Variants in CPLANE1 observed in about 807,000 individuals in gnomAD.
The protein encoded by CPLANE1 is ciliogenesis and planar polarity effector complex subunit 1, also known as ciliogenesis and planar polarity effector 1.
Under a neutral mutation model 362.5 loss-of-function variants are expected in CPLANE1, and 263 were observed. The observed-to-expected ratio is 0.73, with a 90% CI of 0.66 to 0.80. The LOEUF (loss-of-function observed/expected upper bound fraction) is 0.80, where lower values mean the gene tolerates loss of function less well. CPLANE1 is among the 30% of genes least tolerant of loss of function. The probability of loss-of-function intolerance (pLI) is 0.00; values close to 1 mark genes in which losing one functional copy is unlikely to be tolerated. For missense variants in CPLANE1, 3,461 were observed against 3,793.4 expected, an observed-to-expected ratio of 0.91 and a Z score of 2.30; for synonymous variants, 1,212 against 1,302.6, an observed-to-expected ratio of 0.93 and a Z score of 1.50.
intron 4 of CPLANE1, among the ~76,000 whole-genome samples, chr5:37,244,896 TG>T (rs1182769951): frequency 6.6e-6 from 1 of 151,824 alleles, no homozygotes; most frequent in Non-Finnish European, 1.5e-5. Context: ...AACAAGATCC[TG>T]TCTCTAAAAA....
At chr5:37,187,071 A>AC in intron 23 of CPLANE1, among the ~76,000 whole-genome samples, 1 of 147,972 alleles carries the variant, frequency 6.8e-6, no homozygotes, top group African/African-American at 2.5e-5. Flanking sequence ...AAAAAAAAAA[A>AC]AAAAAAAAAA....
intron 44 of CPLANE1, chr5:37,141,728 T>C (rs951862335): frequency 1.2e-5 from 12 of 983,380 alleles, no homozygotes; most frequent in Non-Finnish European, 1.1e-5. Context: ...GTATTTACTA[T>C]GTTCTATTAT....
At chr5:37,165,733 A>G in intron 35 of CPLANE1, 62 bp from the exon 36 acceptor site, 2 of 1,464,128 alleles carry the variant, frequency 1.4e-6, no homozygotes, top group South Asian at 1.3e-5. Context: ...CTTTTCATTT[A>G]TCATGCTATA....
At chr5:37,177,754 CTGT>C in intron 29 of CPLANE1, 54 bp from the exon 30 acceptor site, 1 of 1,359,402 alleles carries the variant, frequency 7.4e-7, no homozygotes, top group Non-Finnish European at 1.0e-6. Context: ...ATAGGTATTA[CTGT>C]CTTGAGTATT....
intron 21 of CPLANE1, among the ~76,000 whole-genome samples, chr5:37,191,090 T>C (rs1445530581): frequency 1.3e-5 from 2 of 152,112 alleles, no homozygotes; most frequent in African/African-American, 4.8e-5. Context: ...CCCTGAAGAC[T>C]TTCCAGTAGA....
chr5:37,090,223 T>A, the CPLANE1 span, among the ~76,000 whole-genome samples: 1 of 152,186 alleles, frequency 6.6e-6, no homozygotes, highest in Non-Finnish European at 1.5e-5. Context: ...ATCGCATTGA[T>A]CCACGTTATT....
At chr5:37,163,656 T>C (rs923980514) in intron 37 of CPLANE1, among the ~76,000 whole-genome samples, 1 of 152,188 alleles carries the variant, frequency 6.6e-6, no homozygotes, top group African/African-American at 2.4e-5. Flanking sequence ...ATCTTGGGAT[T>C]TCCTGATAGG....
At chr5:37,089,764 T>G in the CPLANE1 span, among the ~76,000 whole-genome samples, 1 of 152,206 alleles carries the variant, frequency 6.6e-6, no homozygotes, top group African/African-American at 2.4e-5. Context: ...GAAAAATTCA[T>G]TTACAATATC....
intron 44 of CPLANE1, chr5:37,141,281 A>G (rs1769632283): frequency 1.0e-6 from 1 of 985,172 alleles, no homozygotes. Flanking sequence ...AACTTCTCAG[A>G]TATAATTAGA....
At chr5:37,238,372 G>A (rs1461214069) in intron 8 of CPLANE1, among the ~76,000 whole-genome samples, 1 of 150,954 alleles carries the variant, frequency 6.6e-6, no homozygotes, top group Non-Finnish European at 1.5e-5. Flanking sequence ...TAGTAGAGAT[G>A]GGGTTTCACC....
intron 8 of CPLANE1, among the ~76,000 whole-genome samples, chr5:37,231,763 A>AT (rs1287567629): frequency 1.3e-5 from 2 of 151,838 alleles, no homozygotes; most frequent in Non-Finnish European, 2.9e-5. Flanking sequence ...CTATTTCGTG[A>AT]TTTTTTAATT....
the CPLANE1 span, among the ~76,000 whole-genome samples, chr5:37,077,628 TTTTG>T: frequency 6.9e-6 from 1 of 145,078 alleles, no homozygotes; most frequent in Non-Finnish European, 1.5e-5. Context: ...TTTTTTTTTT[TTTTG>T]AGACAGGGTC....
At chr5:37,171,356 G>C (rs183123218) in intron 32 of CPLANE1, among the ~76,000 whole-genome samples, 2 of 152,286 alleles carry the variant, frequency 1.3e-5, no homozygotes, top group East Asian at 3.9e-4. Flanking sequence ...GGACTTGAAC[G>C]ACTGCTGATC....
chr5:37,109,899 G>A (rs950499489), intron 51 of CPLANE1, among the ~76,000 whole-genome samples: 3 of 151,972 alleles, frequency 2.0e-5, no homozygotes. Context: ...TCAAGCGATC[G>A]GCCTGCCTCA....
chr5:37,226,934 T>C lies in CPLANE1; in HGVS notation c.1661A>G (p.His554Arg), dbSNP rs1796588032. The C allele has an allele frequency of 8.4e-6, 13 of 1,551,896 alleles. No homozygotes were observed. The highest frequency in any genetic ancestry group is 1.2e-5 in the South Asian group (1 of 84,068). Reference sequence around the variant, plus strand: ...TGTCTCCTCACTATCATCCTTTGCATGTATCGTATCAAACATAGATGCAAA... The same window carrying C: ...TGTCTCCTCACTATCATCCTTTGCACGTATCGTATCAAACATAGATGCAAA... ...LEFASMFDTI[H>R]AKDDSEETDR... The change falls in exon 12 of 53, where the codon CAT becomes CGT. Residue 554 changes from histidine (H) to arginine (R), a missense_variant. Physicochemically the swap from His to Arg is conservative, Grantham distance 29. Around this residue, in one of 2 missense-constraint regions of CPLANE1, gnomAD observed 3,380 missense variants for 3,666.1 expected, o/e 0.92. Transcript: ENST00000651892.
chr5:37,212,398 G>A (rs1043433437), intron 16 of CPLANE1: 2 of 786,576 alleles, frequency 2.5e-6, no homozygotes, highest in Non-Finnish European at 4.7e-6. Context: ...TTGCTGCCCA[G>A]CTTCTAACTT....
intron 11 of CPLANE1, 65 bp from the exon 12 acceptor site, chr5:37,227,138 T>C (rs1796635298): frequency 6.7e-7 from 1 of 1,502,936 alleles, no homozygotes; most frequent in Admixed American, 2.2e-5. Flanking sequence ...AGCATCACTT[T>C]GGCGTTCTTA....
At chr5:37,187,915 G>A (rs1315276789) in intron 21 of CPLANE1, 73 bp from the exon 22 acceptor site, 2 of 970,970 alleles carry the variant, frequency 2.1e-6, no homozygotes, top group East Asian at 2.7e-5. Flanking sequence ...CTCCAACTCT[G>A]CTGATCATTT....
At chr5:37,204,858 T>C (rs1189390081) in intron 18 of CPLANE1, among the ~76,000 whole-genome samples, 3 of 152,134 alleles carry the variant, frequency 2.0e-5, no homozygotes, top group African/African-American at 7.2e-5. Context: ...AGTATAAATA[T>C]CATACTTTCA....
Sources: gnomAD v4.1 joint callset for allele counts (sites outside exome capture counted in the v4.1 genomes callset) on GRCh38, gnomAD v4.1.1 for gene constraint, gnomAD v4.1.1 regional missense constraint, MANE v1.5 for transcripts, NCBI Gene and HGNC (gene_info 2026-07-23, HGNC 2026-07-21) for gene names.